The following THSD7A variants were observed in gnomAD, a reference collection of about 807,000 sequenced individuals.
THSD7A encodes thrombospondin type-1 domain-containing protein 7A.
A neutral mutation model predicts 231.3 loss-of-function variants in THSD7A; 96 were observed. That is an observed-to-expected ratio of 0.41 (90% CI 0.35 to 0.49). The LOEUF (loss-of-function observed/expected upper bound fraction) is 0.49. THSD7A is among the 20% of genes least tolerant of loss of function. THSD7A has a pLI of 0.05. For missense variants in THSD7A, 2,290 were observed against 2,070.2 expected (o/e 1.11, Z -2.06); for synonymous variants, 940 against 743.3 (o/e 1.26, Z -4.30).
chr7:11,805,637 CATT>C (rs1462270256), intron 1 of THSD7A, among the ~76,000 whole-genome samples: 1 of 152,006 alleles, frequency 6.6e-6, no homozygotes, highest in African/African-American at 2.4e-5. Context: ...ATTCACATAT[CATT>C]ATATGGTTTT....
At chr7:11,418,432 A>G (rs1393890158) in intron 16 of THSD7A, among the ~76,000 whole-genome samples, 1 of 152,184 alleles carries the variant, frequency 6.6e-6, no homozygotes, top group Non-Finnish European at 1.5e-5. Context: ...CTGGGCACTT[A>G]AGTATTATAG....
In THSD7A at chr7:11,537,925, T is replaced by C. The variant is rs577317386; in HGVS notation, c.1822+3494A>G. 3.3e-4 allele frequency among the ~76,000 whole-genome samples: 50 copies of C among 152,310 alleles called. 1 individual carries two copies. The South Asian group carries it at 9.3e-3, about 28-fold the overall frequency. On this transcript the variant is annotated intron_variant, in intron 6 of 27. Transcript: ENST00000423059. ...TTACTAGAAGCCAGCCGGTTTGACA[T>C]GGTGCTGAGAGTCTTTGGATAGCAG...
chr7:11,581,575 T>C (rs1791168095), intron 4 of THSD7A, among the ~76,000 whole-genome samples: 1 of 152,108 alleles, frequency 6.6e-6, no homozygotes, highest in Admixed American at 6.6e-5. Context: ...TATCCTTCAA[T>C]TTTAGAAGTT....
chr7:11,742,040 T>C (rs575435983), intron 1 of THSD7A, among the ~76,000 whole-genome samples: 1 of 152,038 alleles, frequency 6.6e-6, no homozygotes, highest in African/African-American at 2.4e-5. Flanking sequence ...AACAAAGGCT[T>C]CCTAAATTCA....
intron 23 of THSD7A, among the ~76,000 whole-genome samples, chr7:11,393,728 T>A: frequency 6.6e-6 from 1 of 152,096 alleles, no homozygotes; most frequent in East Asian, 1.9e-4. Flanking sequence ...TACACAAGTA[T>A]CAATAGCCAA....
In THSD7A at chr7:11,441,396, C is replaced by G. The variant is rs534143541; in HGVS notation, c.3064+4665G>C. On this transcript the variant is annotated intron_variant, in intron 13 of 27. Coordinates refer to ENST00000423059, the MANE Select transcript of THSD7A (RefSeq NM_015204.3). ...TCCATTTAAATAGAAATCTTGTATA[C>G]ATGTACCTTGCATAAGCTGGGCTAC... Among the ~76,000 whole-genome samples, 11 of 152,050 alleles carry G rather than the reference C, an allele frequency of 7.2e-5. No individual in the cohort carries two copies. In the South Asian group the frequency reaches 2.3e-3, roughly 32 times the overall value.
chr7:11,445,922 A>G (rs1390627505), intron 13 of THSD7A, 139 bp downstream of exon 13: 2 of 1,044,170 alleles, frequency 1.9e-6, no homozygotes, highest in African/African-American at 1.6e-5. Context: ...TATAAATGAT[A>G]TATGTATAGT....
chr7:11,417,471 A>G lies in THSD7A; in HGVS notation c.3516T>C (p.Gly1172=). ...CPEDCVISEW[G]PWTQCVLPCN... ...TCACCAAAACACATTGGGTCCATGG[A>G]CCCCATTCAGATATCACACAGTCCT... The change falls in exon 17 of 28, where the codon GGT becomes GGC. Residue 1172 remains glycine (G), a synonymous_variant. Transcript: ENST00000423059. 5 of 1,605,980 alleles carry G rather than the reference A, an allele frequency of 3.1e-6. No individual in the cohort carries two copies. The highest frequency in any genetic ancestry group is 4.2e-6 in the Non-Finnish European group (5 of 1,177,780).
chr7:11,821,400 C>CTTTTTTTTT (rs35163025), intron 1 of THSD7A: 7 of 290,346 alleles, frequency 2.4e-5, no homozygotes, highest in Non-Finnish European at 3.3e-5. Context: ...TTTAAAAGCC[C>CTTTTTTTTT]TTTTTTTTTC....
At chr7:11,567,037 T>C (rs1790372629) in intron 4 of THSD7A, among the ~76,000 whole-genome samples, 1 of 147,472 alleles carries the variant, frequency 6.8e-6, no homozygotes, top group Non-Finnish European at 1.5e-5. Context: ...AGCTCTAGGT[T>C]TGTTTTTAAG....
chr7:11,389,952 C>A (rs1782918316), intron 23 of THSD7A, among the ~76,000 whole-genome samples: 1 of 152,204 alleles, frequency 6.6e-6, no homozygotes, highest in Admixed American at 6.5e-5. Flanking sequence ...CCACTCTCTT[C>A]TGGCTTGCAG....
intron 22 of THSD7A, among the ~76,000 whole-genome samples, chr7:11,402,801 T>G (rs1278004994): frequency 2.0e-5 from 3 of 152,208 alleles, no homozygotes; most frequent in African/African-American, 7.2e-5. Flanking sequence ...AAGTTCTAAT[T>G]TCTTCATTCG....
At chr7:11,491,726 G>A (rs1041338465) in intron 6 of THSD7A, among the ~76,000 whole-genome samples, 16 of 152,048 alleles carry the variant, frequency 1.1e-4, no homozygotes, top group African/African-American at 3.9e-4. Flanking sequence ...ATAAATAGAT[G>A]GTTCCACATC....
intron 23 of THSD7A, among the ~76,000 whole-genome samples, chr7:11,391,716 G>A (rs959668064): frequency 2.0e-5 from 3 of 152,148 alleles, no homozygotes; most frequent in Non-Finnish European, 4.4e-5. Context: ...ACCCAGTTTT[G>A]TGGTTGAAAC....
chr7:11,786,843 T>G (rs979562231), intron 1 of THSD7A, among the ~76,000 whole-genome samples: 5 of 151,646 alleles, frequency 3.3e-5, no homozygotes, highest in Admixed American at 2.0e-4. Context: ...TACACCGAAC[T>G]GACAAAAATT....
At chr7:11,770,772 A>G (rs1331413760) in intron 1 of THSD7A, among the ~76,000 whole-genome samples, 2 of 152,168 alleles carry the variant, frequency 1.3e-5, no homozygotes, top group Non-Finnish European at 2.9e-5. Context: ...GTGGAATCAC[A>G]TTCTTTAACT....
intron 9 of THSD7A, 69 bp from the exon 10 acceptor site, chr7:11,462,212 G>A: frequency 6.5e-7 from 1 of 1,528,446 alleles, no homozygotes; most frequent in Non-Finnish European, 8.9e-7. Flanking sequence ...ACCAGTCTGT[G>A]TGAAGAAATT....
At chr7:11,379,888 A>G in intron 24 of THSD7A, 176 bp from the exon 25 acceptor site, 1 of 643,476 alleles carries the variant, frequency 1.6e-6, no homozygotes, top group Non-Finnish European at 2.7e-6. Flanking sequence ...TAGTGACTCC[A>G]GGCCCTTTTT....
chr7:11,552,246 T>C (rs947436034), intron 4 of THSD7A, among the ~76,000 whole-genome samples: 3 of 151,948 alleles, frequency 2.0e-5, no homozygotes, highest in South Asian at 2.1e-4. Flanking sequence ...ATGAAATCTA[T>C]ACACTAACCC....
Sources: gnomAD v4.1 joint callset for allele counts (sites outside exome capture counted in the v4.1 genomes callset) on GRCh38, gnomAD v4.1.1 for gene constraint, MANE v1.5 for transcripts, NCBI Gene and HGNC (gene_info 2026-07-23, HGNC 2026-07-21) for gene names.